ITGAE: variants seen among roughly 807,000 people sequenced by gnomAD.
ITGAE encodes the protein integrin subunit alpha E, also known as integrin alpha-E.
ITGAE carries 99 observed loss-of-function variants against 136.5 expected under a neutral mutation model. That is an observed-to-expected ratio of 0.73 (90% CI 0.62 to 0.86). The LOEUF (loss-of-function observed/expected upper bound fraction) is 0.86. ITGAE is among the 40% of genes least tolerant of loss of function. The probability of loss-of-function intolerance (pLI) is 0.00; values close to 1 mark genes in which losing one functional copy is unlikely to be tolerated. For missense variants in ITGAE, 1,447 were observed against 1,515.3 expected (o/e 0.95, Z 0.75); for synonymous variants, 613 against 591.8 (o/e 1.04, Z -0.52).
intron 2 of ITGAE, among the ~76,000 whole-genome samples, chr17:3,765,744 C>T (rs912947827): frequency 1.3e-5 from 2 of 152,270 alleles, no homozygotes; most frequent in Non-Finnish European, 2.9e-5. Flanking sequence ...TTTCTGCCTA[C>T]TCTCTCCTCA....
chr17:3,796,135 A>ATG (rs145464471), intron 1 of ITGAE, among the ~76,000 whole-genome samples: 5 of 20,418 alleles, frequency 2.4e-4, no homozygotes, highest in African/African-American at 1.2e-3. Context: ...GTGTGCATCC[A>ATG]TGTGTGTGCA....
At chr17:3,764,427 C>T (rs899241911) in intron 2 of ITGAE, among the ~76,000 whole-genome samples, 14 of 151,932 alleles carry the variant, frequency 9.2e-5, no homozygotes, top group Admixed American at 1.3e-4. Context: ...CCGGGCGCGG[C>T]GGCTCACGCC....
intron 26 of ITGAE, chr17:3,726,465 A>G (rs774760586): frequency 1.5e-5 from 10 of 647,898 alleles, no homozygotes; most frequent in Non-Finnish European, 2.7e-5. Flanking sequence ...TCAAACAAGA[A>G]TTTTGTTTCC....
At chr17:3,733,552 C>G (rs916617273) in intron 21 of ITGAE, among the ~76,000 whole-genome samples, 1 of 152,142 alleles carries the variant, frequency 6.6e-6, no homozygotes, top group Non-Finnish European at 1.5e-5. Context: ...TCCCGAGTAG[C>G]TGGGATTACA....
At chr17:3,790,516 AC>A (rs1441150933) in intron 1 of ITGAE, among the ~76,000 whole-genome samples, 2 of 151,794 alleles carry the variant, frequency 1.3e-5, no homozygotes, top group African/African-American at 4.8e-5. Flanking sequence ...AAACAAACAC[AC>A]ACACACACAC....
rs192465281 is a variant in ITGAE, at chr17:3,789,090, T to A, written c.35-11430A>T. On this transcript the variant is annotated intron_variant, in intron 1 of 30. Transcript: ENST00000263087. ...GTGAGACTCCGTTTCTACAAAAAAA[T>A]TAAAAAATTAGCTGCACACAGTGGA... is the stretch of plus-strand genomic sequence containing the variant. 3.8e-4 allele frequency among the ~76,000 whole-genome samples: 58 copies of A among 151,290 alleles called. 1 individual carries two copies. In the East Asian group the frequency reaches 0.011, roughly 29 times the overall value.
chr17:3,731,759 G>C (rs374197048), intron 22 of ITGAE, among the ~76,000 whole-genome samples: 2 of 152,006 alleles, frequency 1.3e-5, no homozygotes, highest in African/African-American at 4.8e-5. Flanking sequence ...GAGATGACAA[G>C]GGACAGATCA....
chr17:3,789,075 G>A (rs1406452306), intron 1 of ITGAE, among the ~76,000 whole-genome samples: 6 of 151,510 alleles, frequency 4.0e-5, no homozygotes, highest in African/African-American at 9.7e-5. Context: ...GTGAGACTCC[G>A]TTTCTACAAA....
intron 20 of ITGAE, among the ~76,000 whole-genome samples, chr17:3,736,643 G>T (rs1201309591): frequency 6.6e-6 from 1 of 152,162 alleles, no homozygotes; most frequent in Admixed American, 6.6e-5. Flanking sequence ...TGTGTGAAAG[G>T]GTCCTCCAGA....
intron 2 of ITGAE, among the ~76,000 whole-genome samples, chr17:3,769,854 G>C (rs780678643): frequency 6.6e-6 from 1 of 151,366 alleles, no homozygotes; most frequent in African/African-American, 2.4e-5. Flanking sequence ...CACCACACCC[G>C]GTTAATTTTT....
At chr17:3,746,630 T>C (rs2143016945) in intron 17 of ITGAE, among the ~76,000 whole-genome samples, 1 of 152,022 alleles carries the variant, frequency 6.6e-6, no homozygotes, top group East Asian at 1.9e-4. Flanking sequence ...TAATTTTTTG[T>C]ATTTTGTTTA....
intron 21 of ITGAE, among the ~76,000 whole-genome samples, chr17:3,732,796 T>C (rs1042757502): frequency 2.4e-4 from 36 of 152,128 alleles, no homozygotes; most frequent in East Asian, 5.8e-4. Context: ...AGCTGGGCCA[T>C]GGACTGATGC....
rs1655744737 is a variant in ITGAE, at chr17:3,726,259, A to G, written c.3084+1660T>C. The G allele has an allele frequency of 6.2e-7, 1 of 1,614,140 alleles. No individual in the cohort carries two copies. Among genetic ancestry groups the G allele is most frequent in the African/African-American group, 1.3e-5 (1 of 74,956 alleles). On this transcript the variant is annotated intron_variant, in intron 26 of 30. Coordinates refer to ENST00000263087, the MANE Select transcript of ITGAE (RefSeq NM_002208.5). ...ATGAAGCAAATTAAGAGAAAAATCC[A>G]GGAGTTCCACAGGACAATGCTGAAC...
chr17:3,714,711 T>A lies in ITGAE; in HGVS notation c.*136A>T. ...CAATGCACAGACACTTTTGGGACAA[T>A]GTATGGTTAAAAACTAATATTCTAC... On this transcript the variant is annotated 3_prime_UTR_variant, in exon 31 of 31. Coordinates refer to ENST00000263087, the MANE Select transcript of ITGAE (RefSeq NM_002208.5). 1 of 563,392 alleles carries A rather than the reference T, an allele frequency of 1.8e-6. No homozygotes were observed. 34.9% of individuals were successfully genotyped at this position (563,392 alleles called of 1,614,324 possible). A position where few individuals can be genotyped will look rare whatever the true frequency, so the allele number is the denominator to read the frequency against.
At chr17:3,729,398 G>T in intron 24 of ITGAE, 80 bp downstream of exon 24, 1 of 869,536 alleles carries the variant, frequency 1.2e-6, no homozygotes, top group Non-Finnish European at 2.0e-6. Context: ...CTGACCACCA[G>T]CTCCATCTAC....
At chr17:3,773,603 C>T (rs1287662651) in intron 2 of ITGAE, among the ~76,000 whole-genome samples, 1 of 152,156 alleles carries the variant, frequency 6.6e-6, no homozygotes, top group Non-Finnish European at 1.5e-5. Flanking sequence ...GGGGGCCACC[C>T]TCCAGAAACT....
chr17:3,740,456 C>T (rs1441005966), intron 19 of ITGAE, among the ~76,000 whole-genome samples: 1 of 152,088 alleles, frequency 6.6e-6, no homozygotes, highest in Non-Finnish European at 1.5e-5. Context: ...GGCTCACTGC[C>T]ATCTCTGCCT....
chr17:3,733,627 G>C (rs1052624508), intron 21 of ITGAE, among the ~76,000 whole-genome samples: 2 of 152,168 alleles, frequency 1.3e-5, no homozygotes, highest in African/African-American at 4.8e-5. Context: ...TGCCATGTTG[G>C]CCAGGCTGGT....
intron 1 of ITGAE, among the ~76,000 whole-genome samples, chr17:3,797,158 T>TATATATATATATA (rs1491339983): frequency 2.3e-4 from 1 of 4,372 alleles, no homozygotes; most frequent in African/African-American, 5.3e-4. Context: ...TATATATATA[T>TATATATATATATA]TTTTTTTTTT....
Sources: gnomAD v4.1 joint callset for allele counts (sites outside exome capture counted in the v4.1 genomes callset) on GRCh38, gnomAD v4.1.1 for gene constraint, MANE v1.5 for transcripts, NCBI Gene and HGNC (gene_info 2026-07-23, HGNC 2026-07-21) for gene names.